The following TRPC4 variants were observed in gnomAD, a reference collection of about 807,000 sequenced individuals.
TRPC4 encodes the protein transient receptor potential cation channel subfamily C member 4, also known as short transient receptor potential channel 4.
Under a neutral mutation model 99.4 loss-of-function variants are expected in TRPC4, and 49 were observed. The ratio of observed to expected loss-of-function variants is 0.49; its 90% confidence interval spans 0.39 to 0.63. The LOEUF is 0.63. TRPC4 is among the 20% of genes least tolerant of loss of function. The pLI is 0.00. For missense variants in TRPC4, 898 were observed against 1,152.9 expected (o/e 0.78, Z 3.20); for synonymous variants, 454 against 425.9 (o/e 1.07, Z -0.81).
intron 2 of TRPC4, among the ~76,000 whole-genome samples, chr13:37,774,848 C>G (rs1956654692): frequency 6.6e-6 from 1 of 151,566 alleles, no homozygotes; most frequent in Non-Finnish European, 1.5e-5. Context: ...AGTTACTGAG[C>G]CTTCTAATCA....
chr13:37,660,328 G>A (rs1952388522), intron 6 of TRPC4, among the ~76,000 whole-genome samples: 2 of 152,178 alleles, frequency 1.3e-5, no homozygotes, highest in African/African-American at 4.8e-5. Context: ...GACACATTAA[G>A]TAAAATGTGA....
rs150342542 is a variant in TRPC4 at position 37,767,620 on chromosome 13, T to G, written c.378+15336A>C. Reference sequence around the variant, plus strand: ...TTCCCACATAATTTCTTAACAAAGGTGTTAATAATCTTGGTTTCATTCTGG... The same window carrying G: ...TTCCCACATAATTTCTTAACAAAGGGGTTAATAATCTTGGTTTCATTCTGG... On this transcript the variant is annotated intron_variant, in intron 2 of 10. Coordinates refer to ENST00000379705, the MANE Select transcript of TRPC4 (RefSeq NM_016179.4). 2.1e-3 allele frequency among the ~76,000 whole-genome samples: 321 copies of G among 151,470 alleles called. 2 individuals carry two copies. The highest frequency in any genetic ancestry group is 7.4e-3 in the African/African-American group (305 of 41,470).
At chr13:37,839,827 T>C (rs1958683993) in intron 1 of TRPC4, among the ~76,000 whole-genome samples, 2 of 152,164 alleles carry the variant, frequency 1.3e-5, no homozygotes, top group Admixed American at 1.3e-4. Flanking sequence ...ATGAAAGACA[T>C]TGTGAAAGTG....
intron 1 of TRPC4, among the ~76,000 whole-genome samples, chr13:37,818,803 G>T (rs1451826666): frequency 6.6e-6 from 1 of 151,996 alleles, no homozygotes; most frequent in East Asian, 1.9e-4. Flanking sequence ...GCCTGTCAGG[G>T]GATTGGGGGC....
intron 1 of TRPC4, among the ~76,000 whole-genome samples, chr13:37,791,354 C>T (rs1002327640): frequency 5.4e-5 from 8 of 148,528 alleles, no homozygotes; most frequent in Non-Finnish European, 1.0e-4. Flanking sequence ...CGATATCGTG[C>T]CACTACACTC....
chr13:37,636,813 GCATTTGCTAATACAATTTAAA>G lies in TRPC4; in HGVS notation c.*69_*89del, dbSNP rs1951533934. The stretch of plus-strand genomic sequence containing the variant: ...GATAAACGCTATAAAGTGTAAGTTA[GCATTTGCTAATACAATTTAAA>G]CATTTTCCCCCACCCAGAGCACTAC... On this transcript the variant is annotated 3_prime_UTR_variant, in exon 11 of 11. Coordinates refer to ENST00000379705, the MANE Select transcript of TRPC4 (RefSeq NM_016179.4). 6.7e-7 allele frequency: 1 copy of G among 1,484,138 alleles called. No individual in the cohort carries two copies. The highest frequency in any genetic ancestry group is 2.3e-5 in the Admixed American group (1 of 43,850). The allele number at this position is 1,484,138 out of a possible 1,614,324, so 91.9% of individuals were successfully genotyped here.
intron 3 of TRPC4, among the ~76,000 whole-genome samples, chr13:37,727,468 A>C (rs1955101705): frequency 6.6e-6 from 1 of 152,024 alleles, no homozygotes; most frequent in Admixed American, 6.6e-5. Context: ...TACATTAAAG[A>C]ACAGAAAGAT....
intron 3 of TRPC4, among the ~76,000 whole-genome samples, chr13:37,714,723 T>C (rs1177814202): frequency 6.6e-6 from 1 of 151,070 alleles, no homozygotes; most frequent in African/African-American, 2.4e-5. Flanking sequence ...TTGTCTACTA[T>C]TTGTAATCCC....
intron 1 of TRPC4, among the ~76,000 whole-genome samples, chr13:37,866,465 G>GCTAAATAGTT (rs56887808): frequency 0.17 from 26,394 of 151,532 alleles, 2,414 homozygotes; most frequent in Middle Eastern, 0.23. Flanking sequence ...CACTTAATTT[G>GCTAAATAGTT]CTAAATAGTT....
rs760082598 is a variant in TRPC4 at position 37,674,263 on chromosome 13, C to T, written c.1339G>A (p.Ala447Thr). Residue 447 changes from alanine (A) to threonine (T), a missense_variant, in exon 5 of 11, where the codon GCA (alanine) becomes ACA (threonine). Ala to Thr is a moderately conservative substitution (Grantham distance 58). This residue lies in a region of TRPC4 where 274 missense variants were observed against 454.9 expected (regional missense o/e 0.60). Coordinates refer to ENST00000379705, the MANE Select transcript of TRPC4 (RefSeq NM_016179.4). The part of the protein sequence containing the change: ...MDFVMNSLYL[A>T]TISLKIVAFV... ...GCAACAATTTTCAAGGAGATTGTTG[C>T]TAAATATAAGGAGTTCATTACAAAG... is the stretch of plus-strand genomic sequence containing the variant. 2 of 1,593,030 alleles carry T rather than the reference C, an allele frequency of 1.3e-6. No individual in the cohort carries two copies. Among genetic ancestry groups the T allele is most frequent in the South Asian group, 1.2e-5 (1 of 83,248 alleles).
chr13:37,680,474 A>AT lies in TRPC4; in HGVS notation c.1235-6108dup, dbSNP rs1317038856. Among the ~76,000 whole-genome samples the AT allele has an allele frequency of 2.0e-5, 3 of 152,178 alleles. No individual in the cohort carries two copies. In the East Asian group the frequency reaches 5.8e-4, roughly 29 times the overall value. On this transcript the variant is annotated intron_variant, in intron 4 of 10. Transcript: ENST00000379705. Reference sequence around the variant, plus strand: ...GATTACATGGCTTTTACAAAGTATGATTTTATCCTAACTGCATAAATTGCC... The same window carrying AT: ...GATTACATGGCTTTTACAAAGTATGATTTTTATCCTAACTGCATAAATTGCC...
At position 37,686,435 on chromosome 13, in the gene TRPC4, G is replaced by C. The variant is rs555984147; in HGVS notation, c.1234+5564C>G. 3.3e-5 allele frequency among the ~76,000 whole-genome samples: 5 copies of C among 151,714 alleles called. No homozygotes were observed. In the South Asian group the frequency reaches 1.0e-3, roughly 32 times the overall value. On this transcript the variant is annotated intron_variant, in intron 4 of 10. Coordinates refer to ENST00000379705, the MANE Select transcript of TRPC4 (RefSeq NM_016179.4). ...GTTATACGTATACGTGTGTGTGTGTGTGTGTATACACACACATATATATAC... is the reference window on the plus strand; with the variant it reads ...GTTATACGTATACGTGTGTGTGTGTCTGTGTATACACACACATATATATAC...
rs555835992 is a variant in TRPC4 at position 37,694,204 on chromosome 13, G to A, written c.898-1869C>T. On this transcript the variant is annotated intron_variant, in intron 3 of 10. Transcript: ENST00000379705. Reference sequence around the variant, plus strand: ...TATTTTTAATAGTATTAAACTTTAGGACAGCTGAAAAGTCTTGATAAAAGA... The same window carrying A: ...TATTTTTAATAGTATTAAACTTTAGAACAGCTGAAAAGTCTTGATAAAAGA... 1.5e-4 allele frequency among the ~76,000 whole-genome samples: 22 copies of A among 151,682 alleles called. No homozygotes were observed. The South Asian group carries it at 4.2e-3, about 29-fold the overall frequency.
At chr13:37,760,666 G>A (rs1956199600) in intron 2 of TRPC4, among the ~76,000 whole-genome samples, 1 of 151,880 alleles carries the variant, frequency 6.6e-6, no homozygotes, top group Non-Finnish European at 1.5e-5. Flanking sequence ...TTTGAATGCA[G>A]CCCAACACAA....
At chr13:37,757,755 T>A (rs1176159551) in intron 2 of TRPC4, among the ~76,000 whole-genome samples, 3 of 151,886 alleles carry the variant, frequency 2.0e-5, no homozygotes, top group African/African-American at 7.2e-5. Context: ...AAAGAACACC[T>A]GGAGAAAAGT....
chr13:37,656,320 T>A (rs2985166), intron 6 of TRPC4, among the ~76,000 whole-genome samples: 2 of 152,110 alleles, frequency 1.3e-5, no homozygotes, highest in Non-Finnish European at 2.9e-5. Context: ...AAAAATAAAA[T>A]GAAAACCTTC....
intron 3 of TRPC4, among the ~76,000 whole-genome samples, chr13:37,695,298 C>T (rs1438780816): frequency 2.0e-5 from 3 of 151,994 alleles, no homozygotes; most frequent in African/African-American, 4.8e-5. Context: ...AGCTTTACTC[C>T]AACTCCCTCT....
chr13:37,809,783 A>G (rs1297073198), intron 1 of TRPC4, among the ~76,000 whole-genome samples: 1 of 152,084 alleles, frequency 6.6e-6, no homozygotes, highest in African/African-American at 2.4e-5. Flanking sequence ...TGAATCTGGA[A>G]TGAAAATGAG....
At chr13:37,745,459 TATATATATATATATACACACAC>T (rs761607484) in intron 3 of TRPC4, among the ~76,000 whole-genome samples, 1 of 86,860 alleles carries the variant, frequency 1.2e-5, no homozygotes, top group Non-Finnish European at 1.9e-5. Context: ...TATATATATA[TATATATATATATATACACACAC>T]ACACACACTT....
Sources: allele counts gnomAD v4.1 joint callset (sites outside exome capture counted in the v4.1 genomes callset), GRCh38; gene constraint gnomAD v4.1.1; regional missense constraint gnomAD v4.1.1; transcripts MANE v1.5; gene names NCBI Gene and HGNC (gene_info 2026-07-23, HGNC 2026-07-21).